The following LRRC4C variants were observed in gnomAD, a reference collection of about 807,000 sequenced individuals.
LRRC4C encodes the protein leucine rich repeat containing 4C, also known as leucine-rich repeat-containing protein 4C.
In LRRC4C, 5 loss-of-function variants were observed where a neutral mutation model predicts 33.6. That is an observed-to-expected ratio of 0.15 (90% confidence interval 0.08 to 0.31). The LOEUF is 0.31. LRRC4C is among the 10% of genes least tolerant of loss of function. The probability of loss-of-function intolerance (pLI) is 1.00; values close to 1 mark genes in which losing one functional copy is unlikely to be tolerated. For missense variants in LRRC4C, 560 were observed against 796.7 expected (o/e 0.70, Z 3.58); for synonymous variants, 329 against 302.0 (o/e 1.09, Z -0.93).
intron 3 of LRRC4C, among the ~76,000 whole-genome samples, chr11:40,480,448 A>G (rs998792498): frequency 3.3e-5 from 5 of 152,126 alleles, no homozygotes; most frequent in African/African-American, 1.2e-4. Context: ...ATGGACACAA[A>G]GAAGGGAACA....
intron 3 of LRRC4C, among the ~76,000 whole-genome samples, chr11:40,527,778 C>A (rs574993100): frequency 6.6e-6 from 1 of 151,612 alleles, no homozygotes; most frequent in African/African-American, 2.4e-5. Context: ...GGCAGAGTGT[C>A]ACTCTTGTTA....
At chr11:40,984,362 A>AAAAAG (rs746785125) in intron 1 of LRRC4C, among the ~76,000 whole-genome samples, 1 of 91,704 alleles carries the variant, frequency 1.1e-5, no homozygotes, top group Non-Finnish European at 2.4e-5. Context: ...GAAAGAAAGA[A>AAAAAG]AAAAGAAAGA....
At chr11:41,342,241 G>C (rs1249154497) in intron 1 of LRRC4C, among the ~76,000 whole-genome samples, 1 of 152,158 alleles carries the variant, frequency 6.6e-6, no homozygotes, top group East Asian at 1.9e-4. Flanking sequence ...TCTTAGTTCA[G>C]ACAGGTCTAT....
chr11:40,620,010 T>C (rs528422702), intron 3 of LRRC4C, among the ~76,000 whole-genome samples: 2 of 146,374 alleles, frequency 1.4e-5, no homozygotes, highest in Non-Finnish European at 3.0e-5. Flanking sequence ...ATTACATATG[T>C]AGTCTCTTCA....
chr11:40,545,304 G>C (rs1460554409), intron 3 of LRRC4C, among the ~76,000 whole-genome samples: 1 of 151,826 alleles, frequency 6.6e-6, no homozygotes, highest in Non-Finnish European at 1.5e-5. Context: ...AAAGAGGATA[G>C]GAATTAATAA....
Position 40,979,136 on chromosome 11 carries a change from T to A in LRRC4C, c.-495-45413A>T, listed in dbSNP as rs1315858941. Among the ~76,000 whole-genome samples, 3 of 152,324 alleles carry A rather than the reference T, an allele frequency of 2.0e-5. No homozygotes were observed. In the East Asian group the frequency reaches 5.8e-4, roughly 29 times the overall value. ...CTTAGTAACTTAGAAAAGCTTTTCC[T>A]GAATTCTCATACTAGGCATATGAGA... is the stretch of plus-strand genomic sequence containing the variant. On this transcript the variant is annotated intron_variant, in intron 1 of 6. Coordinates refer to ENST00000528697, the MANE Select transcript of LRRC4C (RefSeq NM_001258419.2).
chr11:41,450,972 TTTA>T (rs1956001404), intron 1 of LRRC4C, among the ~76,000 whole-genome samples: 1 of 152,136 alleles, frequency 6.6e-6, no homozygotes, highest in Non-Finnish European at 1.5e-5. Context: ...ACGTGCTGAC[TTTA>T]TTATTTTTTG....
chr11:41,044,669 A>G (rs1334345970), intron 1 of LRRC4C, among the ~76,000 whole-genome samples: 1 of 152,158 alleles, frequency 6.6e-6, no homozygotes, highest in African/African-American at 2.4e-5. Context: ...AACAGTGAAG[A>G]CAATGTTTAC....
At chr11:40,284,474 T>C (rs898129840) in intron 4 of LRRC4C, among the ~76,000 whole-genome samples, 54 of 152,226 alleles carry the variant, frequency 3.5e-4, no homozygotes, top group African/African-American at 1.3e-3. Flanking sequence ...AGAGTCTGGA[T>C]TTTATTCTAA....
intron 2 of LRRC4C, among the ~76,000 whole-genome samples, chr11:40,760,017 T>G (rs1391594392): frequency 6.6e-6 from 1 of 151,450 alleles, no homozygotes; most frequent in Non-Finnish European, 1.5e-5. Context: ...TCCCTGGCAT[T>G]CATCTGACAA....
At chr11:40,572,047 A>G (rs1958002574) in intron 3 of LRRC4C, among the ~76,000 whole-genome samples, 1 of 152,156 alleles carries the variant, frequency 6.6e-6, no homozygotes, top group African/African-American at 2.4e-5. Flanking sequence ...CCACCACTCC[A>G]TATTTTCCTC....
intron 1 of LRRC4C, among the ~76,000 whole-genome samples, chr11:41,083,028 G>A (rs139193758): frequency 1.3e-5 from 2 of 152,120 alleles, no homozygotes; most frequent in South Asian, 2.1e-4. Context: ...GGAATAAAGC[G>A]CTAGAGAGAA....
intron 5 of LRRC4C, among the ~76,000 whole-genome samples, chr11:40,143,192 G>A (rs973766910): frequency 6.6e-6 from 1 of 151,926 alleles, no homozygotes. Context: ...GCTATGTCTT[G>A]GTCCAATTTC....
At chr11:41,120,203 GA>G (rs199564955) in intron 1 of LRRC4C, among the ~76,000 whole-genome samples, 1 of 152,156 alleles carries the variant, frequency 6.6e-6, no homozygotes, top group East Asian at 1.9e-4. Flanking sequence ...TGAGCAGCCA[GA>G]AAAAAACTCA....
chr11:41,006,364 CAG>C (rs1854753258), intron 1 of LRRC4C, among the ~76,000 whole-genome samples: 2 of 152,200 alleles, frequency 1.3e-5, no homozygotes, highest in East Asian at 1.9e-4. Context: ...GTCAGAGTTG[CAG>C]AGTCTTACCC....
intron 3 of LRRC4C, among the ~76,000 whole-genome samples, chr11:40,566,347 T>G (rs2135538319): frequency 6.6e-6 from 1 of 152,082 alleles, no homozygotes; most frequent in African/African-American, 2.4e-5. Context: ...AGTCAAAATT[T>G]TGAACGATGA....
At chr11:40,846,304 G>A (rs1270215598) in intron 2 of LRRC4C, among the ~76,000 whole-genome samples, 1 of 151,986 alleles carries the variant, frequency 6.6e-6, no homozygotes, top group Admixed American at 6.6e-5. Flanking sequence ...GGGTTTTTAT[G>A]GTTTTAGGTC....
At chr11:40,409,786 T>C (rs1950089688) in intron 3 of LRRC4C, among the ~76,000 whole-genome samples, 1 of 152,030 alleles carries the variant, frequency 6.6e-6, no homozygotes, top group South Asian at 2.1e-4. Context: ...TTGATGGGAA[T>C]GTAAATTAGT....
rs184159840 is a variant in LRRC4C, at chr11:40,576,640, C to T, written c.-270+71502G>A. ...CATCTGTCTATTTATAACAATCCCCCTCCATCCTTGACCTGTTTCTTTCCC... is the reference window on the plus strand; with the variant it reads ...CATCTGTCTATTTATAACAATCCCCTTCCATCCTTGACCTGTTTCTTTCCC... On this transcript the variant is annotated intron_variant, in intron 3 of 6. Transcript: ENST00000528697. Among the ~76,000 whole-genome samples, 17 of 152,288 alleles carry T rather than the reference C, an allele frequency of 1.1e-4. No homozygotes were observed. In the East Asian group the frequency reaches 2.1e-3, roughly 19 times the overall value.
Sources: allele counts gnomAD v4.1 joint callset (sites outside exome capture counted in the v4.1 genomes callset), GRCh38; gene constraint gnomAD v4.1.1; transcripts MANE v1.5; gene names NCBI Gene and HGNC (gene_info 2026-07-23, HGNC 2026-07-21).